Variants in SCML4 observed in about 807,000 individuals in gnomAD.
SCML4 encodes sex comb on midleg-like protein 4.
SCML4 carries 34 observed loss-of-function variants against 41.1 expected under a neutral mutation model. The ratio of observed to expected loss-of-function variants is 0.83; its 90% confidence interval spans 0.63 to 1.10. The LOEUF (loss-of-function observed/expected upper bound fraction) is 1.10, where lower values mean the gene tolerates loss of function less well. SCML4 is among the 50% of genes least tolerant of loss of function. The probability of loss-of-function intolerance (pLI) is 0.00; values close to 1 mark genes in which losing one functional copy is unlikely to be tolerated. For synonymous variants in SCML4, 214 were observed against 220.9 expected, an observed-to-expected ratio of 0.97 and a Z score of 0.28; for missense variants, 522 against 534.1, an observed-to-expected ratio of 0.98 and a Z score of 0.22.
intron 6 of SCML4, among the ~76,000 whole-genome samples, chr6:107,712,454 C>T (rs1174660554): frequency 6.6e-6 from 1 of 152,124 alleles, no homozygotes; most frequent in Non-Finnish European, 1.5e-5. Flanking sequence ...AAGGAGGAGG[C>T]TCTCAGGACG....
chr6:107,838,995 G>A, the SCML4 span, among the ~76,000 whole-genome samples: 1 of 152,050 alleles, frequency 6.6e-6, no homozygotes, highest in Non-Finnish European at 1.5e-5. Context: ...AGTATATGCT[G>A]GTTAGCTGAA....
rs931859688 is a variant in SCML4, at chr6:107,703,847, G to A, written c.*1353C>T. 1.3e-5 allele frequency among the ~76,000 whole-genome samples: 2 copies of A among 152,252 alleles called. No homozygotes were observed. Among genetic ancestry groups the A allele is most frequent in the African/African-American group, 4.8e-5 (2 of 41,460 alleles). On this transcript the variant is annotated 3_prime_UTR_variant, in exon 8 of 8. Coordinates refer to ENST00000369020, the MANE Select transcript of SCML4 (RefSeq NM_198081.5). ...ACACTGTTGATGTCCTTTTAAGGAA[G>A]AGAATATGCACATGGCAAAGGCGAA...
At chr6:107,730,758 G>A (rs918524396) in intron 5 of SCML4, among the ~76,000 whole-genome samples, 3 of 152,134 alleles carry the variant, frequency 2.0e-5, no homozygotes, top group African/African-American at 7.2e-5. Flanking sequence ...TGTGGACTAT[G>A]GTTCCCTCCA....
At chr6:107,818,431 C>A (rs1393676223) in intron 1 of SCML4, among the ~76,000 whole-genome samples, 7 of 152,226 alleles carry the variant, frequency 4.6e-5, no homozygotes, top group Non-Finnish European at 1.0e-4. Context: ...AAACCCAATG[C>A]ATTGTGCAAC....
At chr6:107,811,522 A>G (rs1784157012) in intron 1 of SCML4, among the ~76,000 whole-genome samples, 1 of 152,194 alleles carries the variant, frequency 6.6e-6, no homozygotes, top group South Asian at 2.1e-4. Flanking sequence ...GAGCAATAAC[A>G]GGTATACTGA....
At chr6:107,730,641 A>G (rs1776444096) in intron 5 of SCML4, among the ~76,000 whole-genome samples, 1 of 152,192 alleles carries the variant, frequency 6.6e-6, no homozygotes, top group South Asian at 2.1e-4. Context: ...AGAAAGGAAA[A>G]CACACACGTG....
intron 1 of SCML4, among the ~76,000 whole-genome samples, chr6:107,779,159 A>G (rs987264749): frequency 5.3e-5 from 8 of 150,810 alleles, no homozygotes; most frequent in Admixed American, 1.3e-4. Context: ...CAGCCTGGGC[A>G]ACAGAGGGAG....
At chr6:107,740,276 T>G in intron 5 of SCML4, 1 of 409,470 alleles carries the variant, frequency 2.4e-6, no homozygotes, top group Non-Finnish European at 5.0e-6. Context: ...TAAAAAGAGA[T>G]GGTGGAAAGC....
chr6:107,839,403 AAGAAAG>A, the SCML4 span, among the ~76,000 whole-genome samples: 223 of 144,246 alleles, frequency 1.5e-3, 2 homozygotes, highest in African/African-American at 5.7e-3. Context: ...GAAAGAAAGA[AAGAAAG>A]AGGAAGAAGA....
In SCML4 at chr6:107,746,753, G is replaced by A. The variant is rs375948039; in HGVS notation, c.423C>T (p.Cys141=). 79 of 1,614,012 alleles carry A rather than the reference G, an allele frequency of 4.9e-5. No homozygotes were observed. The highest frequency in any genetic ancestry group is 8.9e-5 in the East Asian group (4 of 44,898). Residue 141 remains cysteine (C), a synonymous_variant, in exon 4 of 8, where the codon TGC becomes TGT. Coordinates refer to ENST00000369020, the MANE Select transcript of SCML4 (RefSeq NM_198081.5). ...LQQAVQACID[C]AHQQKLVFSL... ...AGAAGACCAGCTTCTGCTGGTGGGC[G>A]CAGTCGATGCAGGCTTGGACGGCCT...
chr6:107,816,430 T>C (rs1784555023), intron 1 of SCML4, among the ~76,000 whole-genome samples: 1 of 152,206 alleles, frequency 6.6e-6, no homozygotes, highest in Non-Finnish European at 1.5e-5. Flanking sequence ...GATGCCATGA[T>C]ACTTGCCCTA....
At chr6:107,743,577 C>T (rs867107054) in intron 5 of SCML4, among the ~76,000 whole-genome samples, 4 of 152,218 alleles carry the variant, frequency 2.6e-5, no homozygotes, top group East Asian at 1.9e-4. Flanking sequence ...ACCAGAAGAA[C>T]GTGCTGTATC....
chr6:107,741,951 G>A (rs148510623), intron 5 of SCML4, among the ~76,000 whole-genome samples: 11 of 152,186 alleles, frequency 7.2e-5, no homozygotes, highest in Non-Finnish European at 1.2e-4. Context: ...ACCAGAAACC[G>A]ACCCTAATAA....
At chr6:107,844,387 T>A in the SCML4 span, among the ~76,000 whole-genome samples, 2 of 152,202 alleles carry the variant, frequency 1.3e-5, no homozygotes, top group African/African-American at 4.8e-5. Flanking sequence ...TCACAATGTA[T>A]CAAGAAGTCA....
intron 6 of SCML4, among the ~76,000 whole-genome samples, chr6:107,709,074 T>G (rs905601854): frequency 1.3e-5 from 2 of 152,104 alleles, no homozygotes; most frequent in Non-Finnish European, 2.9e-5. Flanking sequence ...CCTAACCCCC[T>G]GCCATGGGTT....
intron 5 of SCML4, among the ~76,000 whole-genome samples, chr6:107,741,165 A>G (rs1476134401): frequency 6.6e-6 from 1 of 152,098 alleles, no homozygotes; most frequent in Non-Finnish European, 1.5e-5. Context: ...ATCAAAAACA[A>G]ATGTACAGCA....
chr6:107,741,591 G>T (rs116322007), intron 5 of SCML4, among the ~76,000 whole-genome samples: 1 of 152,192 alleles, frequency 6.6e-6, no homozygotes, highest in Admixed American at 6.5e-5. Flanking sequence ...TGGCTGTTAC[G>T]CAGTACCACA....
intron 1 of SCML4, among the ~76,000 whole-genome samples, chr6:107,822,905 A>G (rs545717485): frequency 2.2e-5 from 3 of 136,368 alleles, no homozygotes; most frequent in African/African-American, 1.0e-4. Context: ...TCTACCAAGC[A>G]ACACAAAAAA....
chr6:107,834,474 G>A, the SCML4 span, among the ~76,000 whole-genome samples: 16 of 152,162 alleles, frequency 1.1e-4, no homozygotes, highest in African/African-American at 3.9e-4. Flanking sequence ...GGAAAACTCT[G>A]GGAAACTGAC....
Sources: allele counts gnomAD v4.1 joint callset (sites outside exome capture counted in the v4.1 genomes callset), GRCh38; gene constraint gnomAD v4.1.1; transcripts MANE v1.5; gene names NCBI Gene and HGNC (gene_info 2026-07-23, HGNC 2026-07-21).